The following PPP2R3B variants were observed in gnomAD, a reference collection of about 807,000 sequenced individuals.
The protein encoded by PPP2R3B is serine/threonine-protein phosphatase 2A regulatory subunit B'' subunit beta.
Under a neutral mutation model 72.9 loss-of-function variants are expected in PPP2R3B, and 68 were observed. The observed-to-expected ratio is 0.93, with a 90% confidence interval of 0.77 to 1.14. PPP2R3B has a LOEUF of 1.14. Among genes scored for constraint, PPP2R3B ranks in the 50% most tolerant of loss-of-function variants. The probability of loss-of-function intolerance (pLI) is 0.00; values close to 1 mark genes in which losing one functional copy is unlikely to be tolerated. For synonymous variants in PPP2R3B, 466 were observed against 375.8 expected (o/e 1.24, Z -2.78); for missense variants, 1,018 against 842.0 (o/e 1.21, Z -2.59).
At position 386,903 on chromosome X, in the gene PPP2R3B, G is replaced by C. The variant is rs922181332; in HGVS notation, c.-212C>G. On this transcript the variant is annotated 5_prime_UTR_variant, in exon 1 of 13. Transcript: ENST00000390665. ...GGTCCGGCCCGCGCTGCTCAGGGCA[G>C]CTTCAAAACGGGCGCGCCGGCCGCG... 5.4e-6 allele frequency: 1 copy of C among 183,974 alleles called. No homozygotes were observed. Among genetic ancestry groups the C allele is most frequent in the Non-Finnish European group, 1.1e-5 (1 of 90,228 alleles). 11.4% of individuals were successfully genotyped at this position (183,974 alleles called of 1,614,324 possible).
In PPP2R3B at chrX:346,099, G is replaced by GAGGGA. The variant is rs2071203361; in HGVS notation, c.879+70_879+74dup. On this transcript the variant is annotated intron_variant, in intron 6 of 12. Coordinates refer to ENST00000390665, the MANE Select transcript of PPP2R3B (RefSeq NM_013239.5). The stretch of plus-strand genomic sequence containing the variant: ...TGGGAGGGGAGGAGGGAGGGGGGAG[G>GAGGGA]AGGGAAGGGAAGGGAGTGGAGGTAG... 14 of 720,380 alleles carry GAGGGA rather than the reference G, an allele frequency of 1.9e-5. No homozygotes were observed. In the Admixed American group the frequency reaches 2.5e-4, roughly 13 times the overall value. The allele number at this position is 720,380 out of a possible 1,614,324, so 44.6% of individuals were successfully genotyped here. A position where few individuals can be genotyped will look rare whatever the true frequency, so the allele number is the denominator to read the frequency against.
chrX:338,750 G>A (rs1341616389), intron 11 of PPP2R3B, 28 bp downstream of exon 11: 1 of 1,611,742 alleles, frequency 6.2e-7, no homozygotes, highest in East Asian at 2.2e-5. Context: ...GCGTGGCGCG[G>A]CCCGGCCCGC....
At chrX:355,713 TA>T (rs67687433) in intron 2 of PPP2R3B, among the ~76,000 whole-genome samples, 43,725 of 151,836 alleles carry the variant, frequency 0.29, 6,779 homozygotes, top group East Asian at 0.38. Flanking sequence ...TTTCCCATAA[TA>T]AAAAAAAGTG....
intron 1 of PPP2R3B, among the ~76,000 whole-genome samples, chrX:380,717 T>C (rs1398783856): frequency 7.6e-6 from 1 of 131,120 alleles, no homozygotes. Context: ...CTGCAGGAGG[T>C]GGAGGTTGTA....
intron 1 of PPP2R3B, among the ~76,000 whole-genome samples, chrX:379,725 G>C (rs2072083432): frequency 6.6e-6 from 1 of 152,208 alleles, no homozygotes; most frequent in African/African-American, 2.4e-5. Context: ...AAAGTCCTTT[G>C]TTTGTGGATT....
rs992161736 is a variant in PPP2R3B at position 355,722 on chromosome X, G to C, written c.510+5683C>G. Reference sequence around the variant, plus strand: ...GTGAATTTTCCCATAATAAAAAAAAGTGCCTGCTGTCTGATTCTGTTTACA... The same window carrying C: ...GTGAATTTTCCCATAATAAAAAAAACTGCCTGCTGTCTGATTCTGTTTACA... On this transcript the variant is annotated intron_variant, in intron 2 of 12. Transcript: ENST00000390665. Among the ~76,000 whole-genome samples, 45 of 151,808 alleles carry C rather than the reference G, an allele frequency of 3.0e-4. 1 individual carries two copies. The highest frequency in any genetic ancestry group is 1.1e-3 in the African/African-American group (44 of 41,348).
At chrX:345,979 C>T (rs1210508159) in intron 6 of PPP2R3B, among the ~76,000 whole-genome samples, 195 bp downstream of exon 6, 1 of 144,602 alleles carries the variant, frequency 6.9e-6, no homozygotes, top group Non-Finnish European at 1.5e-5. Flanking sequence ...CCGTGGACCC[C>T]CAACCGCAGG....
rs774073061 is a variant in PPP2R3B at position 380,938 on chromosome X, C to CT, written c.324+5429dup. On this transcript the variant is annotated intron_variant, in intron 1 of 12. Transcript: ENST00000390665. ...GCCCATCGATACTGGCGTTTTCTTT[C>CT]TTTTTTTTTTTTTTAGAGACAGAGT... 7.3e-3 allele frequency among the ~76,000 whole-genome samples: 1,009 copies of CT among 138,152 alleles called. 14 individuals carry two copies. Among genetic ancestry groups the CT allele is most frequent in the African/African-American group, 0.02 (780 of 38,272 alleles). The allele number at this position is 138,152 out of a possible 152,430, so 90.6% of individuals were successfully genotyped here. A position where few individuals can be genotyped will look rare whatever the true frequency, so the allele number is the denominator to read the frequency against.
chrX:363,471 GCATCTCCCCGAGCCCAGC>G (rs1290492197), intron 1 of PPP2R3B, among the ~76,000 whole-genome samples: 9 of 149,874 alleles, frequency 6.0e-5, no homozygotes, highest in African/African-American at 1.2e-4. Flanking sequence ...ATCCCACAAT[GCATCTCCCCGAGCCCAGC>G]ATCCCACAAT....
At chrX:358,915 C>T (rs987207202) in intron 2 of PPP2R3B, among the ~76,000 whole-genome samples, 2 of 140,248 alleles carry the variant, frequency 1.4e-5, no homozygotes, top group African/African-American at 5.3e-5. Context: ...TGGGGACGGG[C>T]GCCCTGGCGG....
chrX:353,136 C>T (rs1415404803), intron 2 of PPP2R3B, among the ~76,000 whole-genome samples: 3 of 151,968 alleles, frequency 2.0e-5, no homozygotes, highest in East Asian at 1.9e-4. Context: ...CACTTTGAGA[C>T]GCCAAGGCGG....
chrX:334,978 G>A (rs139104496), intron 12 of PPP2R3B: 1,595 of 158,204 alleles, frequency 0.01, 34 homozygotes, highest in African/African-American at 0.036. Flanking sequence ...CTGGACGCGC[G>A]CCTTCCCTTA....
Position 370,497 on chromosome X carries a change from C to T in PPP2R3B, c.325-8907G>A, listed in dbSNP as rs780312200. On this transcript the variant is annotated intron_variant, in intron 1 of 12. Coordinates refer to ENST00000390665, the MANE Select transcript of PPP2R3B (RefSeq NM_013239.5). ...ATTCTGTCCACCAGCCAAGGGGTGACGGTGGATGCCGCGCAACACAGCGAG... is the reference window on the plus strand; with the variant it reads ...ATTCTGTCCACCAGCCAAGGGGTGATGGTGGATGCCGCGCAACACAGCGAG... 3.7e-4 allele frequency among the ~76,000 whole-genome samples: 57 copies of T among 152,294 alleles called. 1 individual carries two copies. The South Asian group carries it at 0.012, about 31-fold the overall frequency.
intron 1 of PPP2R3B, among the ~76,000 whole-genome samples, chrX:383,053 A>G (rs1161147546): frequency 6.6e-6 from 1 of 152,204 alleles, no homozygotes; most frequent in Non-Finnish European, 1.5e-5. Context: ...CCGGAGCTCA[A>G]GAGATGCGTC....
rs757683941 is a variant in PPP2R3B at position 341,918 on chromosome X, C to T, written c.1050G>A (p.Lys350=). The change falls in exon 8 of 13, where the codon AAG becomes AAA. Residue 350 remains lysine, a synonymous_variant. Transcript: ENST00000390665. ...CTCCTGAGAAGATCCTGTCTATCAT[C>T]TTGGTAGAAAGGGCTGGAAAGGAAT... ...ARHNDHALST[K]MIDRIFSGAV... 1.1e-5 allele frequency: 17 copies of T among 1,612,748 alleles called. No homozygotes were observed. Among genetic ancestry groups the T allele is most frequent in the Admixed American group, 3.3e-5 (2 of 60,026 alleles).
At chrX:354,435 G>A (rs147125854) in intron 2 of PPP2R3B, among the ~76,000 whole-genome samples, 198 of 152,366 alleles carry the variant, frequency 1.3e-3, no homozygotes, top group Non-Finnish European at 2.4e-3. Context: ...ACACTCAGAC[G>A]TCAGTCAGGT....
rs752965817 is a variant in PPP2R3B at position 334,373 on chromosome X, C to A, written c.1722G>T (p.Pro574=). ...GGCGTTCTCGCGGGCGGCGTCACAG[C>A]GGCTCCAGGTCCTCGTCCCCGCATG... ...EYACGDEDLE[P]L The change falls in exon 13 of 13, where the codon CCG becomes CCT. Residue 574 remains proline (P), a synonymous_variant. Transcript: ENST00000390665. 6 of 1,505,656 alleles carry A rather than the reference C, an allele frequency of 4.0e-6. No homozygotes were observed. In the East Asian group the frequency reaches 7.5e-5, roughly 19 times the overall value. The allele number at this position is 1,505,656 out of a possible 1,614,324, so 93.3% of individuals were successfully genotyped here. A position where few individuals can be genotyped will look rare whatever the true frequency, so the allele number is the denominator to read the frequency against.
At chrX:356,628 A>T (rs1603080121) in intron 2 of PPP2R3B, among the ~76,000 whole-genome samples, 1 of 152,334 alleles carries the variant, frequency 6.6e-6, no homozygotes, top group East Asian at 1.9e-4. Flanking sequence ...TGTCTGCGTA[A>T]ATCAGTGCAC....
At chrX:361,281 C>T in intron 2 of PPP2R3B, 124 bp downstream of exon 2, 21 of 1,115,992 alleles carry the variant, frequency 1.9e-5, no homozygotes, top group Non-Finnish European at 2.4e-5. Context: ...GTGAAACGCA[C>T]CCTCCTCGGC....
Sources: allele counts gnomAD v4.1 joint callset (sites outside exome capture counted in the v4.1 genomes callset), GRCh38; gene constraint gnomAD v4.1.1; transcripts MANE v1.5; gene names NCBI Gene and HGNC (gene_info 2026-07-23, HGNC 2026-07-21).